The following ADAMTS2 variants were observed in gnomAD, a reference collection of about 807,000 sequenced individuals.
ADAMTS2 encodes ADAM metallopeptidase with thrombospondin type 1 motif 2, also known as A disintegrin and metalloproteinase with thrombospondin motifs 2.
A neutral mutation model predicts 123.0 loss-of-function variants in ADAMTS2; 50 were observed. The observed-to-expected ratio is 0.41, with a 90% CI of 0.32 to 0.51. The LOEUF (loss-of-function observed/expected upper bound fraction) is 0.51. ADAMTS2 is among the 20% of genes least tolerant of loss of function. The pLI, the probability that ADAMTS2 is intolerant of heterozygous loss-of-function variation, is 0.35. For synonymous variants in ADAMTS2, 678 were observed against 695.4 expected, an observed-to-expected ratio of 0.98 and a Z score of 0.39; for missense variants, 1,494 against 1,705.2, an observed-to-expected ratio of 0.88 and a Z score of 2.18.
chr5:179,165,924 G>A (rs567105032), intron 5 of ADAMTS2, among the ~76,000 whole-genome samples: 210 of 152,292 alleles, frequency 1.4e-3, no homozygotes, highest in Admixed American at 3.8e-3. Context: ...CAGAGCACGG[G>A]AACAGATGAG....
chr5:179,275,014 G>A (rs1190473892), intron 2 of ADAMTS2, among the ~76,000 whole-genome samples: 4 of 152,168 alleles, frequency 2.6e-5, no homozygotes, highest in African/African-American at 7.2e-5. Flanking sequence ...GGAGGTGGAC[G>A]GAGCACAGCT....
At chr5:179,230,325 T>G (rs1227336418) in intron 3 of ADAMTS2, among the ~76,000 whole-genome samples, 1 of 152,066 alleles carries the variant, frequency 6.6e-6, no homozygotes, top group Non-Finnish European at 1.5e-5. Context: ...GCAGGCTTCC[T>G]GAGTGCCTAC....
In ADAMTS2 at chr5:179,125,052, T is replaced by A; in HGVS notation, c.2879A>T (p.Asn960Ile). 5 of 1,609,066 alleles carry A rather than the reference T, an allele frequency of 3.1e-6. No individual in the cohort carries two copies. The highest frequency in any genetic ancestry group is 4.2e-6 in the Non-Finnish European group (5 of 1,178,930). Reference protein sequence around the residue: ...TTRSVHAKHCNDARPESRRAC... With the variant: ...TTRSVHAKHCIDARPESRRAC... ...CCGGCGGCTCTCGGGCCGGGCGTCA[T>A]TGCAGTGCTTGGCGTGCACGGAGCG... The change falls in exon 19 of 22, where the codon AAT becomes ATT. Residue 960 changes from asparagine to isoleucine, a missense_variant. Physicochemically the swap from Asn to Ile is moderately radical, Grantham distance 149. Coordinates refer to ENST00000251582, the MANE Select transcript of ADAMTS2 (RefSeq NM_014244.5).
At chr5:179,174,126 C>T (rs1249924050) in intron 5 of ADAMTS2, among the ~76,000 whole-genome samples, 3 of 152,108 alleles carry the variant, frequency 2.0e-5, no homozygotes, top group African/African-American at 7.2e-5. Context: ...GCTTCATTCA[C>T]CCAGCCATAA....
chr5:179,191,614 A>AG (rs968588089), intron 4 of ADAMTS2, among the ~76,000 whole-genome samples: 1 of 35,562 alleles, frequency 2.8e-5, no homozygotes, highest in Non-Finnish European at 5.5e-5. Flanking sequence ...GGTGTGGGGG[A>AG]GGGGGCAGCA....
At chr5:179,240,991 A>G (rs1765655739) in intron 3 of ADAMTS2, among the ~76,000 whole-genome samples, 1 of 152,230 alleles carries the variant, frequency 6.6e-6, no homozygotes, top group African/African-American at 2.4e-5. Context: ...GTCTTGTGAA[A>G]GAGGAGGAAA....
chr5:179,302,388 A>G (rs1419863932), intron 2 of ADAMTS2, among the ~76,000 whole-genome samples: 59 of 148,772 alleles, frequency 4.0e-4, no homozygotes, highest in Admixed American at 3.9e-3. Context: ...TCAAAAAAAA[A>G]AAAAAAAAAA....
rs376707883 is a variant in ADAMTS2 at position 179,329,187 on chromosome 5, T to C, written c.534+14580A>G. On this transcript the variant is annotated intron_variant, in intron 2 of 21. Transcript: ENST00000251582. ...CTAAAAATACAAAAAATTAGCCGGGTGTGGTGGCGGGCGCCTGTAGTCCCA... is the reference window on the plus strand; with the variant it reads ...CTAAAAATACAAAAAATTAGCCGGGCGTGGTGGCGGGCGCCTGTAGTCCCA... Among the ~76,000 whole-genome samples, 1,193 of 151,094 alleles carry C rather than the reference T, an allele frequency of 7.9e-3. 3 individuals are homozygous for C. The highest frequency in any genetic ancestry group is 0.018 in the African/African-American group (736 of 41,262).
chr5:179,193,827 C>T (rs1197087315), intron 4 of ADAMTS2, among the ~76,000 whole-genome samples: 1 of 152,196 alleles, frequency 6.6e-6, no homozygotes, highest in African/African-American at 2.4e-5. Context: ...ACCAAGGAGA[C>T]CCCTGGACTG....
Position 179,118,115 on chromosome 5 carries a change from G to A in ADAMTS2, c.3178+3546C>T, listed in dbSNP as rs1197062064. ...GTCTGATTTTCTCCCCACAGTGGGC[G>A]GCATTGCTCTTAGTTTAAAAAAATA... On this transcript the variant is annotated intron_variant, in intron 21 of 21. Transcript: ENST00000251582. This position sits in a 1 kb window ranked among gnomAD's most constrained non-coding sequence, Gnocchi z 4.5. 6.6e-6 allele frequency among the ~76,000 whole-genome samples: 1 copy of A among 152,010 alleles called. No individual in the cohort carries two copies. Among genetic ancestry groups the A allele is most frequent in the Non-Finnish European group, 1.5e-5 (1 of 68,010 alleles).
At chr5:179,259,658 C>A (rs1243983996) in intron 3 of ADAMTS2, among the ~76,000 whole-genome samples, 1 of 152,258 alleles carries the variant, frequency 6.6e-6, no homozygotes, top group East Asian at 1.9e-4. Context: ...ATTCCTGATA[C>A]CGGGTCTGTC....
rs115551924 is a variant in ADAMTS2, at chr5:179,196,089, G to T, written c.891+11424C>A. ...CTGCCTTCCCCACCGCCACCATGCG[G>T]TCTCAGCACTCGTGAAAGTTGGTGA... On this transcript the variant is annotated intron_variant, in intron 4 of 21. Transcript: ENST00000251582. Among the ~76,000 whole-genome samples the T allele has an allele frequency of 9.4e-3, 1,434 of 152,290 alleles. 8 individuals carry two copies. The highest frequency in any genetic ancestry group is 0.014 in the Non-Finnish European group (963 of 68,032).
At chr5:179,153,711 G>T in intron 8 of ADAMTS2, 88 bp from the exon 9 acceptor site, 5 of 1,502,390 alleles carry the variant, frequency 3.3e-6, no homozygotes, top group Non-Finnish European at 4.5e-6. Flanking sequence ...TGCTGGAGCT[G>T]CCATGGCAGC....
intron 10 of ADAMTS2, among the ~76,000 whole-genome samples, chr5:179,144,345 T>G (rs1199786270): frequency 1.3e-5 from 2 of 152,234 alleles, no homozygotes; most frequent in Non-Finnish European, 2.9e-5. Flanking sequence ...GGAAATACTT[T>G]CACACTGATC....
intron 3 of ADAMTS2, among the ~76,000 whole-genome samples, chr5:179,258,052 CG>C (rs1766113315): frequency 6.6e-6 from 1 of 152,184 alleles, no homozygotes; most frequent in Admixed American, 6.5e-5. Flanking sequence ...CTGTCCTCAG[CG>C]AACGCCTGAC....
At chr5:179,141,431 G>A (rs1433156667) in intron 10 of ADAMTS2, among the ~76,000 whole-genome samples, 1 of 152,126 alleles carries the variant, frequency 6.6e-6, no homozygotes, top group African/African-American at 2.4e-5. Flanking sequence ...GCAGCAAACA[G>A]AAACTTTGAA....
chr5:179,336,213 C>T (rs1299381651), intron 2 of ADAMTS2, among the ~76,000 whole-genome samples: 1 of 152,246 alleles, frequency 6.6e-6, no homozygotes, highest in Non-Finnish European at 1.5e-5. Flanking sequence ...ACTTCCAACG[C>T]AGTCCCTCAC....
At position 179,115,539 on chromosome 5, in the gene ADAMTS2, C is replaced by T. The variant is rs117395333; in HGVS notation, c.3179-1215G>A. On this transcript the variant is annotated intron_variant, in intron 21 of 21. Coordinates refer to ENST00000251582, the MANE Select transcript of ADAMTS2 (RefSeq NM_014244.5). The surrounding 1 kb of genome is among the most constrained non-coding windows in gnomAD (Gnocchi z 4.4). ...TTCAGACCTTTCCCACACAAACCCC[C>T]GACGTGCCCTCCTTTTCCCTCACTC... 1.1e-3 allele frequency among the ~76,000 whole-genome samples: 168 copies of T among 152,180 alleles called. 1 individual carries two copies. The East Asian group carries it at 0.023, about 21-fold the overall frequency.
intron 21 of ADAMTS2, chr5:179,120,292 A>T (rs961205053): frequency 5.3e-5 from 8 of 152,222 alleles, no homozygotes; most frequent in East Asian, 3.9e-4. Context: ...AACGTCTCAT[A>T]AAAAAAACCA....
Sources: gnomAD v4.1 joint callset for allele counts (sites outside exome capture counted in the v4.1 genomes callset) on GRCh38, gnomAD v4.1.1 for gene constraint, Gnocchi (gnomAD v3.1) non-coding constraint, MANE v1.5 for transcripts, NCBI Gene and HGNC (gene_info 2026-07-23, HGNC 2026-07-21) for gene names.